NTPCR: variants seen among roughly 807,000 people sequenced by gnomAD.
The protein encoded by NTPCR is nucleoside-triphosphatase, cancer-related, also known as cancer-related nucleoside-triphosphatase.
A neutral mutation model predicts 19.5 loss-of-function variants in NTPCR; 15 were observed. That is an observed-to-expected ratio of 0.77 (90% CI 0.51 to 1.18). NTPCR has a LOEUF of 1.18. Among genes scored for constraint, NTPCR ranks in the 50% most tolerant of loss-of-function variants. The pLI is 0.00. For synonymous variants in NTPCR, 90 were observed against 95.8 expected (o/e 0.94, Z 0.36); for missense variants, 206 against 240.4 (o/e 0.86, Z 0.95).
In NTPCR at chr1:232,969,928, C is replaced by G. The variant is rs777927710; in HGVS notation, c.314C>G (p.Pro105Arg). The change falls in exon 4 of 5, where the codon CCA becomes CGA. Residue 105 changes from proline (P) to arginine (R), a missense_variant. Physicochemically the swap from Pro to Arg is moderately radical, Grantham distance 103. Coordinates refer to ENST00000366628, the MANE Select transcript of NTPCR (RefSeq NM_032324.3). ...VLRNADCSSG[P>R]GQRVCVIDEI... ...TCTCAGGCCGACTGCAGCAGTGGCC[C>G]AGGGCAAAGAGTGTGCGTCATCGAT... 1.2e-6 allele frequency: 2 copies of G among 1,614,096 alleles called. No homozygotes were observed. The highest frequency in any genetic ancestry group is 3.3e-5 in the Admixed American group (2 of 60,030).
At chr1:232,977,923 G>A (rs190659609) in intron 4 of NTPCR, among the ~76,000 whole-genome samples, 4 of 152,182 alleles carry the variant, frequency 2.6e-5, no homozygotes, top group African/African-American at 7.2e-5. Context: ...GCTGAAATCT[G>A]TCTGGGCTCC....
intron 3 of NTPCR, chr1:232,964,668 A>AAT (rs1275940072): frequency 6.6e-6 from 1 of 152,224 alleles, no homozygotes; most frequent in African/African-American, 2.4e-5. Context: ...CACTAAAAAA[A>AAT]ATGCCATAAT....
At chr1:232,955,101 C>T (rs1668475070) in intron 1 of NTPCR, among the ~76,000 whole-genome samples, 1 of 152,198 alleles carries the variant, frequency 6.6e-6, no homozygotes, top group African/African-American at 2.4e-5. Context: ...GATTTTCCCA[C>T]TGTTAAGTGT....
chr1:232,963,010 T>G (rs547799650), intron 3 of NTPCR: 5 of 152,320 alleles, frequency 3.3e-5, no homozygotes. Context: ...GATCCATTCT[T>G]GAAAGATTGA....
rs147453227 is a variant in NTPCR at position 232,971,980 on chromosome 1, G to A, written c.504+1862G>A. Among the ~76,000 whole-genome samples the A allele has an allele frequency of 7.1e-4, 108 of 152,322 alleles. No individual in the cohort carries two copies. In the Middle Eastern group the frequency reaches 0.014, roughly 19 times the overall value. On this transcript the variant is annotated intron_variant, in intron 4 of 4. Coordinates refer to ENST00000366628, the MANE Select transcript of NTPCR (RefSeq NM_032324.3). ...CAGATAGCTTCTAGGCTGGAAGACC[G>A]GGAAATTGCTAGTGTTAGACTCCAG...
rs1029236595 is a variant in NTPCR, at chr1:232,980,420, T to G, written c.*2189T>G. On this transcript the variant is annotated 3_prime_UTR_variant, in exon 5 of 5. Coordinates refer to ENST00000366628, the MANE Select transcript of NTPCR (RefSeq NM_032324.3). ...AGTTCACTCTTTCATCACTCCCTGC[T>G]GCGTCCTTCTTGAGGCTTTAGCATT... 6.6e-6 allele frequency: 1 copy of G among 152,236 alleles called. No homozygotes were observed. Among genetic ancestry groups the G allele is most frequent in the Non-Finnish European group, 1.5e-5 (1 of 68,044 alleles). The allele number at this position is 152,236 out of a possible 1,614,324, so 9.4% of individuals were successfully genotyped here. A position where few individuals can be genotyped will look rare whatever the true frequency, so the allele number is the denominator to read the frequency against.
chr1:232,964,993 G>A (rs1198553597), intron 3 of NTPCR: 3 of 152,138 alleles, frequency 2.0e-5, no homozygotes, highest in Non-Finnish European at 4.4e-5. Context: ...TCCTGGTAGA[G>A]GAGAGAAGTC....
chr1:232,964,345 T>C (rs140759668), intron 3 of NTPCR: 1 of 152,310 alleles, frequency 6.6e-6, no homozygotes, highest in East Asian at 1.9e-4. Flanking sequence ...AGGTGTGTGA[T>C]GTTTAGTGAT....
At chr1:232,958,357 G>A (rs1406318046) in intron 3 of NTPCR, among the ~76,000 whole-genome samples, 1 of 152,194 alleles carries the variant, frequency 6.6e-6, no homozygotes. Context: ...GCCAGGCTGA[G>A]GCCCTTGGCA....
Position 232,955,637 on chromosome 1 carries a change from GAAGAAGTC to G in NTPCR, c.117_124del (p.Glu40ThrfsTer33). 1 of 1,612,694 alleles carries G rather than the reference GAAGAAGTC, an allele frequency of 6.2e-7. No individual in the cohort carries two copies. The highest frequency in any genetic ancestry group is 8.5e-7 in the Non-Finnish European group (1 of 1,179,776). On this transcript the variant is annotated frameshift_variant, in exon 2 of 5. Transcript: ENST00000366628. LOFTEE classifies it high-confidence loss of function. ...TGTGCCTGTTGATGGATTTTATACC[GAAGAAGTC>G]AGACAGGGAGGGAGAAGAATAGGAT...
chr1:232,955,450 A>G lies in NTPCR; in HGVS notation c.35-107A>G, dbSNP rs554505494. 1,216 of 840,604 alleles carry G rather than the reference A, an allele frequency of 1.4e-3. 3 individuals carry two copies. Among genetic ancestry groups the G allele is most frequent in the Non-Finnish European group, 1.9e-3 (1,110 of 572,200 alleles). The allele number at this position is 840,604 out of a possible 1,614,324, so 52.1% of individuals were successfully genotyped here. A position where few individuals can be genotyped will look rare whatever the true frequency, so the allele number is the denominator to read the frequency against. On this transcript the variant is annotated intron_variant, in intron 1 of 4. Coordinates refer to ENST00000366628, the MANE Select transcript of NTPCR (RefSeq NM_032324.3). ...AAATCCATTTACAGCCCATTTCTCT[A>G]CCCACCATAATTGCTGCCTCAGAGT...
intron 3 of NTPCR, among the ~76,000 whole-genome samples, chr1:232,957,835 G>A (rs1668555100): frequency 6.6e-6 from 1 of 152,204 alleles, no homozygotes; most frequent in Non-Finnish European, 1.5e-5. Context: ...GGGAGGGACA[G>A]GAAGAACTGA....
chr1:232,958,204 T>G (rs12032016), intron 3 of NTPCR, among the ~76,000 whole-genome samples: 33,328 of 151,920 alleles, frequency 0.22, 3,651 homozygotes, highest in African/African-American at 0.25. Context: ...CTATCCAGAG[T>G]TTTCTATGGC....
chr1:232,973,673 CA>C (rs1223175865), intron 4 of NTPCR, among the ~76,000 whole-genome samples: 1 of 152,164 alleles, frequency 6.6e-6, no homozygotes, highest in African/African-American at 2.4e-5. Context: ...TACAGATACA[CA>C]TGAAACAAAT....
At chr1:232,951,375 C>CTGA (rs1668361883) in intron 1 of NTPCR, among the ~76,000 whole-genome samples, 1 of 152,124 alleles carries the variant, frequency 6.6e-6, no homozygotes, top group Non-Finnish European at 1.5e-5. Context: ...CTGTCCCCTC[C>CTGA]TGATGTCTGT....
chr1:232,970,242 T>A, intron 4 of NTPCR, 124 bp downstream of exon 4: 1 of 748,672 alleles, frequency 1.3e-6, no homozygotes, highest in Non-Finnish European at 2.2e-6. Context: ...GAAATGTAGG[T>A]GAGTCTAATT....
At chr1:232,969,861 T>A in intron 3 of NTPCR, 48 bp from the exon 4 acceptor site, 1 of 1,510,530 alleles carries the variant, frequency 6.6e-7, no homozygotes, top group South Asian at 1.1e-5. Context: ...ATGGGCCCTT[T>A]GATTAATGTG....
At chr1:232,972,029 A>G (rs1200772290) in intron 4 of NTPCR, among the ~76,000 whole-genome samples, 1 of 152,204 alleles carries the variant, frequency 6.6e-6, no homozygotes, top group Non-Finnish European at 1.5e-5. Context: ...CCACAAACTA[A>G]TCTAATCTAA....
intron 3 of NTPCR, chr1:232,966,035 C>A (rs1013585940): frequency 1.3e-5 from 2 of 152,086 alleles, no homozygotes; most frequent in Non-Finnish European, 2.9e-5. Context: ...CCTGGAGACT[C>A]ACAGTCCATA....
Sources: allele counts gnomAD v4.1 joint callset (sites outside exome capture counted in the v4.1 genomes callset), GRCh38; gene constraint gnomAD v4.1.1; transcripts MANE v1.5; gene names NCBI Gene and HGNC (gene_info 2026-07-23, HGNC 2026-07-21).